EFR3A: variants seen among roughly 807,000 people sequenced by gnomAD.
EFR3A encodes the protein protein EFR3 homolog A.
In EFR3A, 76 loss-of-function variants were observed where a neutral mutation model predicts 104.4. That is an observed-to-expected ratio of 0.73 (90% confidence interval 0.60 to 0.88). EFR3A has a LOEUF of 0.88. Ranked by LOEUF, EFR3A falls within the 40% of genes least tolerant of loss-of-function variation. The pLI is 0.00. For synonymous variants in EFR3A, 330 were observed against 330.0 expected, an observed-to-expected ratio of 1.00 and a Z score of 0.00; for missense variants, 985 against 1,012.5, an observed-to-expected ratio of 0.97 and a Z score of 0.37.
At chr8:131,907,506 G>T (rs1376962719) in intron 1 of EFR3A, among the ~76,000 whole-genome samples, 1 of 152,072 alleles carries the variant, frequency 6.6e-6, no homozygotes, top group Non-Finnish European at 1.5e-5. Flanking sequence ...TCTCATTTAG[G>T]TACTGACGTT....
At chr8:131,930,791 C>A (rs1817558238) in intron 1 of EFR3A, among the ~76,000 whole-genome samples, 2 of 152,146 alleles carry the variant, frequency 1.3e-5, no homozygotes, top group South Asian at 4.1e-4. Context: ...GAAGTCTTTT[C>A]TGAATGTCAT....
intron 12 of EFR3A, among the ~76,000 whole-genome samples, chr8:131,977,419 T>C (rs1194727327): frequency 6.6e-6 from 1 of 152,130 alleles, no homozygotes; most frequent in Non-Finnish European, 1.5e-5. Context: ...AAAACAGAAC[T>C]CAGACTTGAA....
chr8:131,950,137 T>A, intron 5 of EFR3A, 47 bp downstream of exon 5: 1 of 1,511,030 alleles, frequency 6.6e-7, no homozygotes, highest in Non-Finnish European at 9.0e-7. Context: ...ATTTAGAGAT[T>A]AATATTGTGT....
chr8:131,926,475 A>G (rs1013702948), intron 1 of EFR3A, among the ~76,000 whole-genome samples: 2 of 152,156 alleles, frequency 1.3e-5, no homozygotes, highest in Non-Finnish European at 2.9e-5. Flanking sequence ...TTATTGTGGC[A>G]CAGTGATGCA....
In EFR3A at chr8:131,976,126, A is replaced by C. The variant is rs762779611; in HGVS notation, c.1259A>C (p.Asp420Ala). The C allele has an allele frequency of 1.3e-6, 2 of 1,586,102 alleles. No individual in the cohort carries two copies. The highest frequency in any genetic ancestry group is 2.2e-5 in the East Asian group (1 of 44,530). ...PVFGTSTHTLDISQLGDLGTR... is the reference protein window; with the variant it reads ...PVFGTSTHTLAISQLGDLGTR... ...TTTGGAACATCTACCCATACTTTGGATATCAGTCAACTAGGGTATGTTCTC... is the reference window on the plus strand; with the variant it reads ...TTTGGAACATCTACCCATACTTTGGCTATCAGTCAACTAGGGTATGTTCTC... The change falls in exon 11 of 23, where the codon GAT (aspartate) becomes GCT (alanine). Residue 420 changes from aspartate (D) to alanine (A), a missense_variant. Transcript: ENST00000254624.
chr8:132,009,505 T>C (rs1822216610), intron 22 of EFR3A, among the ~76,000 whole-genome samples: 1 of 152,072 alleles, frequency 6.6e-6, no homozygotes, highest in Non-Finnish European at 1.5e-5. Context: ...CTTTGGTACT[T>C]ACACCAGATT....
intron 19 of EFR3A, 98 bp from the exon 20 acceptor site, chr8:132,001,661 C>A (rs1821785029): frequency 9.6e-7 from 1 of 1,038,026 alleles, no homozygotes; most frequent in Non-Finnish European, 1.5e-6. Flanking sequence ...AAGAAGAAAA[C>A]AAATCTGAAA....
intron 1 of EFR3A, among the ~76,000 whole-genome samples, chr8:131,919,595 CAAAAAAA>C (rs1054823834): frequency 7.4e-5 from 4 of 53,880 alleles, no homozygotes; most frequent in East Asian, 6.0e-4. Flanking sequence ...GACTCCGTCT[CAAAAAAA>C]AAAAAAAAAA....
At position 131,949,974 on chromosome 8, in the gene EFR3A, C is replaced by G; in HGVS notation, c.372C>G (p.Val124=). Residue 124 remains valine, a synonymous_variant, in exon 5 of 23, where the codon GTC becomes GTG. Transcript: ENST00000254624. ...KLQVLGTNSF[V]KFANIEEDTP... is the part of the protein sequence containing the mutation. The stretch of plus-strand genomic sequence containing the variant: ...ATATTATTTGTGTTTTTTAGTTTGT[C>G]AAATTTGCAAATATTGAAGAAGACA... 6.3e-7 allele frequency: 1 copy of G among 1,589,168 alleles called. No homozygotes were observed.
rs1398228772 is a variant in EFR3A, at chr8:131,904,162, G to T, written c.-151G>T. On this transcript the variant is annotated 5_prime_UTR_variant, in exon 1 of 23. Transcript: ENST00000254624. ...GTCGCCCGCTTGGTTGCGTGACCGC[G>T]GGGTCCGCGTCCGCTCCCTCCACCC... is the stretch of plus-strand genomic sequence containing the variant. The T allele has an allele frequency of 2.2e-6, 2 of 917,064 alleles. No individual in the cohort carries two copies. The highest frequency in any genetic ancestry group is 2.8e-6 in the Non-Finnish European group (2 of 702,900). 56.8% of individuals were successfully genotyped at this position (917,064 alleles called of 1,614,324 possible).
At chr8:131,978,358 A>G (rs182338060) in intron 12 of EFR3A, among the ~76,000 whole-genome samples, 8 of 152,316 alleles carry the variant, frequency 5.3e-5, no homozygotes, top group African/African-American at 1.7e-4. Context: ...TCAAGTAACT[A>G]AGTACAGCTT....
chr8:131,933,528 C>T (rs4371988), intron 1 of EFR3A, among the ~76,000 whole-genome samples: 74,175 of 151,718 alleles, frequency 0.49, 18,287 homozygotes, highest in Middle Eastern at 0.57. Context: ...AGAAGCTTTT[C>T]GAATGAAATC....
intron 5 of EFR3A, among the ~76,000 whole-genome samples, chr8:131,950,764 T>C (rs1387519706): frequency 6.6e-6 from 1 of 152,184 alleles, no homozygotes; most frequent in South Asian, 2.1e-4. Flanking sequence ...ATAAATTGAA[T>C]GAATGTATAT....
intron 15 of EFR3A, among the ~76,000 whole-genome samples, chr8:131,984,721 C>T (rs540099078): frequency 4.4e-4 from 67 of 152,176 alleles, no homozygotes; most frequent in Admixed American, 8.5e-4. Context: ...GAAAGGCTTT[C>T]CTAGGGAAGA....
chr8:131,959,927 T>G (rs1819218258), intron 8 of EFR3A, among the ~76,000 whole-genome samples: 1 of 152,242 alleles, frequency 6.6e-6, no homozygotes. Flanking sequence ...GACAGTCTCC[T>G]GCTATCCCCT....
At chr8:131,990,162 A>G (rs1821097685) in intron 18 of EFR3A, among the ~76,000 whole-genome samples, 1 of 152,226 alleles carries the variant, frequency 6.6e-6, no homozygotes, top group Non-Finnish European at 1.5e-5. Flanking sequence ...AGTCTCTCTT[A>G]AATGTATTGT....
At chr8:131,919,192 T>G (rs1386084639) in intron 1 of EFR3A, among the ~76,000 whole-genome samples, 1 of 152,152 alleles carries the variant, frequency 6.6e-6, no homozygotes, top group Non-Finnish European at 1.5e-5. Context: ...AGTAGAATTT[T>G]AAACTGTGAC....
intron 18 of EFR3A, among the ~76,000 whole-genome samples, chr8:131,993,577 C>T (rs1173335839): frequency 1.3e-5 from 2 of 151,952 alleles, no homozygotes; most frequent in Non-Finnish European, 2.9e-5. Flanking sequence ...AGTAAAATCA[C>T]AGTATATACA....
intron 1 of EFR3A, among the ~76,000 whole-genome samples, chr8:131,918,192 C>A (rs1403037278): frequency 2.0e-5 from 3 of 152,156 alleles, no homozygotes; most frequent in African/African-American, 7.2e-5. Context: ...GAGGCTGAAG[C>A]AGGAGAATCG....
Sources: allele counts gnomAD v4.1 joint callset (sites outside exome capture counted in the v4.1 genomes callset), GRCh38; gene constraint gnomAD v4.1.1; transcripts MANE v1.5; gene names NCBI Gene and HGNC (gene_info 2026-07-23, HGNC 2026-07-21).